The following CRLF3 variants were observed in gnomAD, a reference collection of about 807,000 sequenced individuals.
CRLF3 encodes cytokine receptor like factor 3.
A neutral mutation model predicts 55.0 loss-of-function variants in CRLF3; 33 were observed. The ratio of observed to expected loss-of-function variants is 0.60; its 90% CI spans 0.46 to 0.80. The LOEUF is 0.80. CRLF3 is among the 30% of genes least tolerant of loss of function. The pLI is 0.00. For missense variants in CRLF3, 494 were observed against 538.4 expected (o/e 0.92, Z 0.82); for synonymous variants, 238 against 196.8 (o/e 1.21, Z -1.75).
intron 5 of CRLF3, among the ~76,000 whole-genome samples, chr17:30,793,116 G>A (rs573102167): frequency 2.6e-5 from 4 of 151,624 alleles, no homozygotes; most frequent in South Asian, 2.1e-4. Flanking sequence ...CAGCCTGGGC[G>A]ACAGAGTGAG....
At chr17:30,823,704 G>C (rs999759636) in intron 1 of CRLF3, among the ~76,000 whole-genome samples, 3 of 152,060 alleles carry the variant, frequency 2.0e-5, no homozygotes, top group African/African-American at 7.2e-5. Flanking sequence ...AGGGTATAGA[G>C]AAACCATATG....
chr17:30,796,251 A>G lies in CRLF3; in HGVS notation c.512T>C (p.Ile171Thr), dbSNP rs1416873739. 1 of 1,613,962 alleles carries G rather than the reference A, an allele frequency of 6.2e-7. No individual in the cohort carries two copies. Among genetic ancestry groups the G allele is most frequent in the Non-Finnish European group, 8.5e-7 (1 of 1,179,968 alleles). Reference protein sequence around the residue: ...DSILNIVKDHIFKHGTVASRP... With the variant: ...DSILNIVKDHTFKHGTVASRP... ...AGATGCTACTGTTCCATGCTTAAAA[A>G]TGTGGTCTTTCACTATGTTAAGAAT... is the stretch of plus-strand genomic sequence containing the variant. The change falls in exon 4 of 8, where the codon ATT (isoleucine) becomes ACT (threonine). Residue 171 changes from isoleucine (I) to threonine (T), a missense_variant. Coordinates refer to ENST00000324238, the MANE Select transcript of CRLF3 (RefSeq NM_015986.4).
chr17:30,788,964 C>G (rs2142244690), intron 6 of CRLF3, among the ~76,000 whole-genome samples: 1 of 152,178 alleles, frequency 6.6e-6, no homozygotes. Flanking sequence ...TAAGTACCCT[C>G]AAAAAACTAA....
chr17:30,786,158 G>C, intron 6 of CRLF3, 127 bp from the exon 7 acceptor site: 1 of 613,848 alleles, frequency 1.6e-6, no homozygotes, highest in Non-Finnish European at 2.9e-6. Flanking sequence ...CAGCAACCAT[G>C]ATTGAGTTCT....
chr17:30,822,117 G>C lies in CRLF3; in HGVS notation c.129+2406C>G, dbSNP rs544717646. ...CATCTGCCAAAAAGATATAAAATCA[G>C]CAAGTAAAAAATACAGACGACAGGT... is the stretch of plus-strand genomic sequence containing the variant. On this transcript the variant is annotated intron_variant, in intron 1 of 7. Transcript: ENST00000324238. 6.8e-5 allele frequency among the ~76,000 whole-genome samples: 10 copies of C among 148,014 alleles called. No homozygotes were observed. In the East Asian group the frequency reaches 2.0e-3, roughly 29 times the overall value.
intron 2 of CRLF3, among the ~76,000 whole-genome samples, chr17:30,803,269 C>G (rs1385197794): frequency 6.6e-6 from 1 of 152,074 alleles, no homozygotes; most frequent in East Asian, 1.9e-4. Flanking sequence ...TTATTACACA[C>G]CGCATGCCTG....
chr17:30,813,378 C>A (rs1904683035), intron 1 of CRLF3, among the ~76,000 whole-genome samples: 1 of 152,032 alleles, frequency 6.6e-6, no homozygotes, highest in Non-Finnish European at 1.5e-5. Flanking sequence ...GGATGGCAAG[C>A]AAAAGTAACT....
At position 30,803,986 on chromosome 17, in the gene CRLF3, A is replaced by G; in HGVS notation, c.252T>C (p.Ile84=). 6.2e-7 allele frequency: 1 copy of G among 1,612,880 alleles called. No homozygotes were observed. Among genetic ancestry groups the G allele is most frequent in the Non-Finnish European group, 8.5e-7 (1 of 1,179,938 alleles). ...LVTLLQEVDT[I]EQETIKPLDD... is the part of the protein sequence containing the mutation. ...CTAGTGGTTTAATGGTCTCCTGTTCAATGGTGTCCACCTCTTGCAAAAGGG... is the reference window on the plus strand; with the variant it reads ...CTAGTGGTTTAATGGTCTCCTGTTCGATGGTGTCCACCTCTTGCAAAAGGG... Residue 84 remains isoleucine (I), a synonymous_variant, in exon 2 of 8, where the codon ATT becomes ATC. Coordinates refer to ENST00000324238, the MANE Select transcript of CRLF3 (RefSeq NM_015986.4).
chr17:30,796,086 C>T (rs955807977), intron 4 of CRLF3, 74 bp downstream of exon 4: 7 of 1,089,850 alleles, frequency 6.4e-6, no homozygotes, highest in African/African-American at 3.2e-5. Context: ...AAGTAGTCAA[C>T]GAAAAAATCT....
intron 1 of CRLF3, among the ~76,000 whole-genome samples, chr17:30,815,587 A>G (rs1183710644): frequency 7.6e-6 from 1 of 131,264 alleles, no homozygotes; most frequent in Non-Finnish European, 1.6e-5. Context: ...TCTGTTGCCC[A>G]GGCTGAAGTG....
intron 1 of CRLF3, among the ~76,000 whole-genome samples, chr17:30,808,783 C>T (rs1233730324): frequency 2.0e-5 from 3 of 150,908 alleles, no homozygotes; most frequent in Admixed American, 2.0e-4. Context: ...TTAGTAGAGA[C>T]GGGGTTTCAC....
chr17:30,791,487 G>A (rs929108657), intron 6 of CRLF3, among the ~76,000 whole-genome samples: 1 of 151,666 alleles, frequency 6.6e-6, no homozygotes, highest in Non-Finnish European at 1.5e-5. Context: ...GATTACAAGT[G>A]TGAGCCACTG....
chr17:30,789,932 T>C (rs927875344), intron 6 of CRLF3, among the ~76,000 whole-genome samples: 10 of 152,078 alleles, frequency 6.6e-5, no homozygotes, highest in Non-Finnish European at 1.3e-4. Context: ...AGAAGGGGTA[T>C]GTAAGTACAG....
chr17:30,814,838 C>G (rs2142271303), intron 1 of CRLF3, among the ~76,000 whole-genome samples: 1 of 151,818 alleles, frequency 6.6e-6, no homozygotes, highest in South Asian at 2.1e-4. Context: ...CCCATCTCTA[C>G]TAAAAATACA....
intron 1 of CRLF3, among the ~76,000 whole-genome samples, chr17:30,818,258 T>TA (rs113536627): frequency 5.5e-4 from 80 of 145,420 alleles, no homozygotes; most frequent in Admixed American, 1.5e-3. Flanking sequence ...GAAACTTCAT[T>TA]AAAAAAAAAA....
chr17:30,808,061 T>C (rs1025006663), intron 1 of CRLF3, among the ~76,000 whole-genome samples: 2 of 152,144 alleles, frequency 1.3e-5, no homozygotes, highest in Admixed American at 1.3e-4. Flanking sequence ...TGGGCCCTCA[T>C]CTACATAGCA....
intron 3 of CRLF3, among the ~76,000 whole-genome samples, 181 bp downstream of exon 3, chr17:30,797,130 A>G (rs1042437325): frequency 6.6e-6 from 1 of 152,114 alleles, no homozygotes; most frequent in African/African-American, 2.4e-5. Flanking sequence ...GCCTCAAGCA[A>G]TCCACCCGCC....
chr17:30,798,709 C>T (rs962909433), intron 2 of CRLF3, among the ~76,000 whole-genome samples: 4 of 151,584 alleles, frequency 2.6e-5, no homozygotes, highest in African/African-American at 9.7e-5. Context: ...CATAGTGGCA[C>T]GCTCCTGTAG....
intron 2 of CRLF3, among the ~76,000 whole-genome samples, chr17:30,801,831 C>T (rs1423211960): frequency 6.6e-6 from 1 of 151,912 alleles, no homozygotes; most frequent in Non-Finnish European, 1.5e-5. Flanking sequence ...ACATCTGATC[C>T]TGTCACTCTG....
Sources: allele counts gnomAD v4.1 joint callset (sites outside exome capture counted in the v4.1 genomes callset), GRCh38; gene constraint gnomAD v4.1.1; transcripts MANE v1.5; gene names NCBI Gene and HGNC (gene_info 2026-07-23, HGNC 2026-07-21).